Variants in DRC2 observed in about 807,000 individuals in gnomAD.
DRC2 encodes the protein dynein regulatory complex subunit 2.
At chr12:48,904,432 C>A in the DRC2 span, 1 of 1,613,792 alleles carries the variant, frequency 6.2e-7, no homozygotes, top group Non-Finnish European at 8.5e-7. Flanking sequence ...AGGAGATGGC[C>A]AAAAAGAAGG....
chr12:48,916,976 A>C, the DRC2 span: 2 of 1,613,878 alleles, frequency 1.2e-6, no homozygotes, highest in Non-Finnish European at 1.7e-6. Flanking sequence ...ACAGGAAGAC[A>C]ATTATTGACC....
chr12:48,907,713 A>T, the DRC2 span, among the ~76,000 whole-genome samples: 1 of 151,920 alleles, frequency 6.6e-6, no homozygotes, highest in Middle Eastern at 3.4e-3. Flanking sequence ...ATCTAACCTA[A>T]CCTCTCTATG....
chr12:48,916,191 A>G, the DRC2 span, among the ~76,000 whole-genome samples: 1 of 151,656 alleles, frequency 6.6e-6, no homozygotes, highest in Admixed American at 6.6e-5. Context: ...CACTTCCCAG[A>G]CGGGGTGGCG....
At chr12:48,910,683 C>G in the DRC2 span, among the ~76,000 whole-genome samples, 1 of 152,148 alleles carries the variant, frequency 6.6e-6, no homozygotes, top group East Asian at 1.9e-4. Context: ...CATAAGGAAA[C>G]TTTTTTCTTT....
At chr12:48,916,537 C>T in the DRC2 span, among the ~76,000 whole-genome samples, 6 of 152,118 alleles carry the variant, frequency 3.9e-5, no homozygotes, top group Non-Finnish European at 8.8e-5. Context: ...TGCAGTGAGC[C>T]GAGATGGCAG....
At chr12:48,919,614 T>G in the DRC2 span, among the ~76,000 whole-genome samples, 1 of 151,944 alleles carries the variant, frequency 6.6e-6, no homozygotes, top group East Asian at 1.9e-4. Context: ...ACCTCCCCAG[T>G]TCAAGCAATT....
At chr12:48,909,027 TTTTC>T in the DRC2 span, among the ~76,000 whole-genome samples, 2 of 149,946 alleles carry the variant, frequency 1.3e-5, no homozygotes, top group African/African-American at 2.4e-5. Context: ...CCACCTGTAC[TTTTC>T]TTTCTCTTTT....
At chr12:48,918,796 C>T in the DRC2 span, 2 of 1,614,108 alleles carry the variant, frequency 1.2e-6, no homozygotes, top group Non-Finnish European at 1.7e-6. Flanking sequence ...ACTGCGAAAA[C>T]TTAAGGCCCA....
chr12:48,921,294 C>G, the DRC2 span: 1 of 1,614,190 alleles, frequency 6.2e-7, no homozygotes. Context: ...GCGGGAGATG[C>G]TGAAGCAGTA....
chr12:48,914,504 G>A, the DRC2 span: 31 of 1,614,060 alleles, frequency 1.9e-5, no homozygotes, highest in South Asian at 4.4e-5. Flanking sequence ...CAGAGGCACC[G>A]GCTCAGTCTC....
chr12:48,905,066 A>G, the DRC2 span: 1 of 1,613,960 alleles, frequency 6.2e-7, no homozygotes, highest in Non-Finnish European at 8.5e-7. Flanking sequence ...TGAGATCCTC[A>G]GCCAAACATT....
chr12:48,904,592 C>A, the DRC2 span: 2 of 1,355,324 alleles, frequency 1.5e-6, no homozygotes, highest in Non-Finnish European at 2.0e-6. Context: ...CCCAGATATA[C>A]TTAGATTTCA....
chr12:48,913,860 T>C, the DRC2 span, among the ~76,000 whole-genome samples: 1 of 151,444 alleles, frequency 6.6e-6, no homozygotes. Flanking sequence ...ACTCCTGACC[T>C]CATGATCTGC....
At chr12:48,918,348 A>T in the DRC2 span, 127 of 1,614,224 alleles carry the variant, frequency 7.9e-5, no homozygotes, top group East Asian at 2.7e-3. Context: ...AAGTTCCAGG[A>T]TGTACTCAAG....
At chr12:48,909,368 C>T in the DRC2 span, among the ~76,000 whole-genome samples, 1 of 152,196 alleles carries the variant, frequency 6.6e-6, no homozygotes, top group Non-Finnish European at 1.5e-5. Context: ...CTTTTCATAG[C>T]CAGCCTTGTT....
At chr12:48,905,464 T>G in the DRC2 span, among the ~76,000 whole-genome samples, 4 of 152,268 alleles carry the variant, frequency 2.6e-5, no homozygotes, top group East Asian at 1.9e-4. Context: ...GTCACATAGC[T>G]AGTCAGTGAG....
At chr12:48,914,492 T>G in the DRC2 span, 2 of 1,614,196 alleles carry the variant, frequency 1.2e-6, no homozygotes, top group Non-Finnish European at 1.7e-6. Context: ...CTCTTGGCCC[T>G]GCAGAGGCAC....
the DRC2 span, chr12:48,905,069 C>G: frequency 3.1e-6 from 5 of 1,613,736 alleles, no homozygotes; most frequent in East Asian, 1.1e-4. Flanking sequence ...GATCCTCAGC[C>G]AAACATTTGA....
chr12:48,916,935 C>T, the DRC2 span: 1 of 1,604,228 alleles, frequency 6.2e-7, no homozygotes, highest in Non-Finnish European at 8.5e-7. Context: ...TATCCTGTAT[C>T]CCTCAGAGCA....
Sources: allele counts gnomAD v4.1 joint callset (sites outside exome capture counted in the v4.1 genomes callset), GRCh38; gene constraint gnomAD v4.1.1; transcripts MANE v1.5; gene names NCBI Gene and HGNC (gene_info 2026-07-23, HGNC 2026-07-21).